The following CLVS1 variants were observed in gnomAD, a reference collection of about 807,000 sequenced individuals.
The protein encoded by CLVS1 is clavesin-1.
In CLVS1, 10 loss-of-function variants were observed where a neutral mutation model predicts 33.1. That is an observed-to-expected ratio of 0.30 (90% confidence interval 0.19 to 0.51). CLVS1 has a LOEUF of 0.51. Among genes scored for constraint, CLVS1 ranks in the 20% least tolerant of loss-of-function variants. The probability of loss-of-function intolerance (pLI) is 0.97; values close to 1 mark genes in which losing one functional copy is unlikely to be tolerated. For synonymous variants in CLVS1, 163 were observed against 166.1 expected, an observed-to-expected ratio of 0.98 and a Z score of 0.14; for missense variants, 343 against 433.4, an observed-to-expected ratio of 0.79 and a Z score of 1.85.
the CLVS1 span, among the ~76,000 whole-genome samples, chr8:61,016,352 G>C: frequency 6.6e-6 from 1 of 152,232 alleles, no homozygotes; most frequent in African/African-American, 2.4e-5. Context: ...GACCCAAAGT[G>C]TCTTATGGGT....
chr8:61,337,377 T>C (rs902586137), intron 2 of CLVS1, among the ~76,000 whole-genome samples: 1 of 152,192 alleles, frequency 6.6e-6, no homozygotes, highest in African/African-American at 2.4e-5. Flanking sequence ...ATTTACCCTA[T>C]AATTGCCCGA....
chr8:61,296,325 G>T (rs1810209025), intron 1 of CLVS1, among the ~76,000 whole-genome samples: 1 of 152,322 alleles, frequency 6.6e-6, no homozygotes, highest in African/African-American at 2.4e-5. Flanking sequence ...ATTATAGATT[G>T]GAGGCATAGC....
At chr8:61,251,066 CTT>C (rs1808935316) in intron 2 of CLVS1, among the ~76,000 whole-genome samples, 2 of 152,214 alleles carry the variant, frequency 1.3e-5, no homozygotes, top group South Asian at 2.1e-4. Context: ...ATAAATAACT[CTT>C]ATTATTTTCA....
chr8:61,002,074 G>T, the CLVS1 span, among the ~76,000 whole-genome samples: 1 of 151,924 alleles, frequency 6.6e-6, no homozygotes, highest in African/African-American at 2.4e-5. Context: ...CGCCTCTCAG[G>T]CTCTAGCAAT....
At chr8:61,110,141 T>C (rs1166690140) in intron 1 of CLVS1, among the ~76,000 whole-genome samples, 1 of 152,162 alleles carries the variant, frequency 6.6e-6, no homozygotes, top group Non-Finnish European at 1.5e-5. Context: ...CGGAGCTGTC[T>C]CACTTGGGAA....
intron 2 of CLVS1, among the ~76,000 whole-genome samples, chr8:61,257,486 G>A (rs762301215): frequency 1.3e-5 from 2 of 152,250 alleles, no homozygotes; most frequent in South Asian, 2.1e-4. Context: ...TCAATTCTCT[G>A]TCCTCTAAAA....
chr8:61,167,875 A>T (rs1806912320), intron 2 of CLVS1, among the ~76,000 whole-genome samples: 1 of 152,192 alleles, frequency 6.6e-6, no homozygotes, highest in Admixed American at 6.5e-5. Flanking sequence ...AATGTCAGAA[A>T]GTTATCCTAT....
rs1434985879 is a variant in CLVS1 at position 61,118,583 on chromosome 8, A to G, written c.-242-13187A>G. ...TCTGGTATGTTGTGTCTTTGTTCTCATTGGTTTCAAAGAACATCTTTATTT... is the reference window on the plus strand; with the variant it reads ...TCTGGTATGTTGTGTCTTTGTTCTCGTTGGTTTCAAAGAACATCTTTATTT... On this transcript the variant is annotated intron_variant, in intron 1 of 2. Coordinates refer to the CLVS1 transcript ENST00000522621. 2.1e-4 allele frequency among the ~76,000 whole-genome samples: 32 copies of G among 151,118 alleles called. 1 individual carries two copies. The East Asian group carries it at 3.9e-3, about 18-fold the overall frequency.
chr8:60,966,233 C>T, the CLVS1 span: 154 of 374,654 alleles, frequency 4.1e-4, no homozygotes, highest in African/African-American at 2.9e-3. Context: ...CTAACTAGCG[C>T]GGCTGTGAGT....
rs138057455 is a variant in CLVS1, at chr8:61,482,833, A to G, written c.978-16622A>G. On this transcript the variant is annotated intron_variant, in intron 5 of 5. Transcript: ENST00000325897. The stretch of plus-strand genomic sequence containing the variant: ...CATGGAAACTGAGGAACCTGCTCCT[A>G]AATGACTACTGGGTATATAACGAAA... Among the ~76,000 whole-genome samples the G allele has an allele frequency of 9.5e-3, 1,444 of 152,336 alleles. 14 individuals carry two copies. Among genetic ancestry groups the G allele is most frequent in the Admixed American group, 0.026 (397 of 15,298 alleles).
In CLVS1 at chr8:61,458,550, C is replaced by A. The variant is rs1209498325; in HGVS notation, c.977+8C>A. 3 of 1,560,396 alleles carry A rather than the reference C, an allele frequency of 1.9e-6. No homozygotes were observed. Among genetic ancestry groups the A allele is most frequent in the African/African-American group, 3.0e-5 (2 of 67,194 alleles). On this transcript the variant is annotated splice_region_variant and intron_variant, in intron 5 of 5. Coordinates refer to ENST00000325897, the MANE Select transcript of CLVS1 (RefSeq NM_173519.3). ...ACCCAAGCTGATGAAAAGGTAAGGC[C>A]TGGGTTATCAGAGCCCCCCCCCCAG... is the stretch of plus-strand genomic sequence containing the variant.
At chr8:61,439,639 C>T (rs1408661183) in intron 3 of CLVS1, among the ~76,000 whole-genome samples, 1 of 152,216 alleles carries the variant, frequency 6.6e-6, no homozygotes, top group Non-Finnish European at 1.5e-5. Flanking sequence ...TTTCTTCATA[C>T]TAAAGGATTT....
At chr8:61,226,334 C>T (rs889357388) in intron 2 of CLVS1, among the ~76,000 whole-genome samples, 1 of 152,160 alleles carries the variant, frequency 6.6e-6, no homozygotes, top group South Asian at 2.1e-4. Context: ...GGAAAGTCAG[C>T]CCACAATTTA....
At chr8:61,020,311 C>T in the CLVS1 span, among the ~76,000 whole-genome samples, 2,833 of 152,252 alleles carry the variant, frequency 0.019, 43 homozygotes, top group Non-Finnish European at 0.03. Context: ...ACATTTCAGT[C>T]GGCTTTCTGG....
chr8:61,167,118 T>C (rs185293781), intron 2 of CLVS1, among the ~76,000 whole-genome samples: 11 of 151,906 alleles, frequency 7.2e-5, no homozygotes, highest in Non-Finnish European at 1.3e-4. Context: ...CTGGTTCCCC[T>C]GAGTCTTGTT....
upstream of CLVS1, among the ~76,000 whole-genome samples, chr8:61,286,436 C>T (rs867688260): frequency 1.3e-5 from 2 of 152,204 alleles, no homozygotes; most frequent in Admixed American, 6.5e-5. Flanking sequence ...AAAATTCCTT[C>T]GCTTGCTGCA....
chr8:61,132,424 G>A (rs529007672), intron 2 of CLVS1, among the ~76,000 whole-genome samples: 4 of 152,338 alleles, frequency 2.6e-5, no homozygotes, highest in Admixed American at 6.5e-5. Context: ...TGGGGACAAC[G>A]CGGGCTGAGG....
At chr8:61,255,074 TA>T (rs1223785162) in intron 2 of CLVS1, among the ~76,000 whole-genome samples, 1 of 152,208 alleles carries the variant, frequency 6.6e-6, no homozygotes, top group South Asian at 2.1e-4. Context: ...GTTTTTTGTA[TA>T]TTTTTTTAGG....
chr8:61,213,074 G>A (rs1808005927), intron 2 of CLVS1, among the ~76,000 whole-genome samples: 1 of 151,960 alleles, frequency 6.6e-6, no homozygotes, highest in Admixed American at 6.5e-5. Flanking sequence ...ATATTAGGGT[G>A]TAGGTGGCAC....
Sources: allele counts gnomAD v4.1 joint callset (sites outside exome capture counted in the v4.1 genomes callset), GRCh38; gene constraint gnomAD v4.1.1; transcripts MANE v1.5; gene names NCBI Gene and HGNC (gene_info 2026-07-23, HGNC 2026-07-21).